CYB5B: variants seen among roughly 807,000 people sequenced by gnomAD.
CYB5B encodes cytochrome b5 type B (outer mitochondrial membrane).
CYB5B carries 14 observed loss-of-function variants against 21.3 expected under a neutral mutation model. That is an observed-to-expected ratio of 0.66 (90% CI 0.43 to 1.03). CYB5B has a LOEUF of 1.03. Among genes scored for constraint, CYB5B ranks in the 50% least tolerant of loss-of-function variants. CYB5B has a pLI of 0.00. For missense variants in CYB5B, 166 were observed against 185.1 expected, an observed-to-expected ratio of 0.90 and a Z score of 0.60; for synonymous variants, 69 against 68.4, an observed-to-expected ratio of 1.01 and a Z score of -0.04.
At chr16:69,432,332 A>G (rs1308255108) in intron 1 of CYB5B, among the ~76,000 whole-genome samples, 1 of 152,208 alleles carries the variant, frequency 6.6e-6, no homozygotes, top group Non-Finnish European at 1.5e-5. Flanking sequence ...TCTGTTTTTC[A>G]CTTTCAGTAT....
At chr16:69,454,810 A>G (rs2014967656) in intron 3 of CYB5B, among the ~76,000 whole-genome samples, 1 of 152,218 alleles carries the variant, frequency 6.6e-6, no homozygotes, top group Non-Finnish European at 1.5e-5. Flanking sequence ...TATATACCTT[A>G]TATTTGCCTT....
chr16:69,424,980 A>G, intron 1 of CYB5B, 123 bp downstream of exon 1: 15 of 1,042,440 alleles, frequency 1.4e-5, no homozygotes, highest in Non-Finnish European at 1.9e-5. Flanking sequence ...GAAAGGGATC[A>G]CGACCCTCAG....
chr16:69,460,721 A>C (rs576102490), intron 4 of CYB5B, among the ~76,000 whole-genome samples: 27 of 152,356 alleles, frequency 1.8e-4, no homozygotes, highest in African/African-American at 6.5e-4. Flanking sequence ...TATATGCAAG[A>C]ATGTTCATAG....
chr16:69,437,698 A>G (rs986810723), intron 1 of CYB5B, among the ~76,000 whole-genome samples: 2 of 152,254 alleles, frequency 1.3e-5, no homozygotes, highest in African/African-American at 4.8e-5. Flanking sequence ...TGCAGTCATC[A>G]CCACCATCTA....
Position 69,436,697 on chromosome 16 carries a change from C to T in CYB5B, c.175-10453C>T, listed in dbSNP as rs114170334. ...CATCACTAGGCCTAATTTTGCACTT[C>T]CTCAATCTTAATGTTTCTGGATTTC... On this transcript the variant is annotated intron_variant, in intron 1 of 4. Transcript: ENST00000307892. 2.7e-3 allele frequency among the ~76,000 whole-genome samples: 415 copies of T among 152,304 alleles called. 2 individuals carry two copies. The highest frequency in any genetic ancestry group is 9.7e-3 in the African/African-American group (402 of 41,564).
intron 1 of CYB5B, among the ~76,000 whole-genome samples, chr16:69,436,780 C>T (rs184126842): frequency 1.1e-4 from 16 of 152,258 alleles, no homozygotes; most frequent in Admixed American, 4.6e-4. Flanking sequence ...TATTACATCA[C>T]TATGGAATTT....
At chr16:69,458,957 C>T in intron 3 of CYB5B, 136 bp from the exon 4 acceptor site, 2 of 742,962 alleles carry the variant, frequency 2.7e-6, no homozygotes, top group Non-Finnish European at 4.2e-6. Context: ...TTTGTAAACA[C>T]CAAAATGCAT....
intron 1 of CYB5B, chr16:69,444,385 ATTATC>A (rs2014856701): frequency 6.6e-6 from 1 of 152,194 alleles, no homozygotes; most frequent in African/African-American, 2.4e-5. Flanking sequence ...CAGCCTGGGC[ATTATC>A]TTGGCCTAAG....
rs1016835232 is a variant in CYB5B at position 69,455,155 on chromosome 16, A to C, written c.334-3938A>C. ...ATGATCCGCCTGTCTCGGCCTCCCCAAGTGCTGGGATTATAGGCATGAGCC... is the reference window on the plus strand; with the variant it reads ...ATGATCCGCCTGTCTCGGCCTCCCCCAGTGCTGGGATTATAGGCATGAGCC... On this transcript the variant is annotated intron_variant, in intron 3 of 4. Transcript: ENST00000307892. 9.9e-5 allele frequency among the ~76,000 whole-genome samples: 15 copies of C among 152,022 alleles called. 1 individual carries two copies. The highest frequency in any genetic ancestry group is 3.6e-4 in the African/African-American group (15 of 41,392).
chr16:69,450,304 T>C (rs2014920456), intron 3 of CYB5B: 1 of 151,494 alleles, frequency 6.6e-6, no homozygotes, highest in Non-Finnish European at 1.5e-5. Context: ...GCATTTAAGC[T>C]CACCAAGTTC....
intron 3 of CYB5B, among the ~76,000 whole-genome samples, chr16:69,452,560 C>T (rs911722472): frequency 1.3e-5 from 2 of 152,008 alleles, no homozygotes; most frequent in African/African-American, 4.8e-5. Context: ...GTCCCAGCTA[C>T]ATGGGAGGAT....
chr16:69,427,127 T>C (rs2014655868), intron 1 of CYB5B, among the ~76,000 whole-genome samples: 1 of 152,012 alleles, frequency 6.6e-6, no homozygotes, highest in Non-Finnish European at 1.5e-5. Context: ...TCTCAGCTAC[T>C]TGGGAGGCTA....
Position 69,462,486 on chromosome 16 carries a change from A to G in CYB5B, c.419A>G (p.Tyr140Cys). 6.2e-7 allele frequency: 1 copy of G among 1,614,118 alleles called. No individual in the cohort carries two copies. ...GGCGCTGTTCTCTTAGGTTTCCTGTACCGCTACTACACATCGGAAAGCAAA... is the reference window on the plus strand; with the variant it reads ...GGCGCTGTTCTCTTAGGTTTCCTGTGCCGCTACTACACATCGGAAAGCAAA... ...IIGAVLLGFLYRYYTSESKSS is the reference protein window; with the variant it reads ...IIGAVLLGFLCRYYTSESKSS Residue 140 changes from tyrosine (Y) to cysteine (C), a missense_variant, in exon 5 of 5, where the codon TAC becomes TGC. By Grantham distance (194) the Tyr-to-Cys change is radical. Coordinates refer to ENST00000307892, the MANE Select transcript of CYB5B (RefSeq NM_030579.3).
chr16:69,429,877 CT>C (rs1328191832), intron 1 of CYB5B, among the ~76,000 whole-genome samples: 1 of 152,076 alleles, frequency 6.6e-6, no homozygotes, highest in African/African-American at 2.4e-5. Flanking sequence ...CAAGAGGTTC[CT>C]AATCTTAAGT....
chr16:69,461,036 G>C (rs1428443856), intron 4 of CYB5B, among the ~76,000 whole-genome samples: 1 of 152,058 alleles, frequency 6.6e-6, no homozygotes, highest in Non-Finnish European at 1.5e-5. Flanking sequence ...TTTTCTGGCC[G>C]GCGTGGTGGC....
chr16:69,446,262 T>C (rs189603635), intron 1 of CYB5B, among the ~76,000 whole-genome samples: 1 of 152,250 alleles, frequency 6.6e-6, no homozygotes, highest in African/African-American at 2.4e-5. Flanking sequence ...TTGTGCAGGG[T>C]CACATAGCTG....
intron 1 of CYB5B, among the ~76,000 whole-genome samples, chr16:69,441,107 T>A (rs1050289889): frequency 3.9e-5 from 6 of 152,066 alleles, no homozygotes; most frequent in Admixed American, 3.9e-4. Context: ...ATATTGACAT[T>A]AATCAGTCCA....
At chr16:69,451,563 G>C (rs1487525503) in intron 3 of CYB5B, among the ~76,000 whole-genome samples, 1 of 151,988 alleles carries the variant, frequency 6.6e-6, no homozygotes, top group Non-Finnish European at 1.5e-5. Context: ...AATAGGTCTA[G>C]TAATTTGACC....
Position 69,430,898 on chromosome 16 carries a change from C to T in CYB5B, c.174+6041C>T, listed in dbSNP as rs1422656337. ...ATGTTGGCCAGGCTGGGCTTGAACT[C>T]CTGACCTCCGGTGATTCACCCGCCT... On this transcript the variant is annotated intron_variant, in intron 1 of 4. Transcript: ENST00000307892. Among the ~76,000 whole-genome samples the T allele has an allele frequency of 5.3e-5, 8 of 151,816 alleles. No individual in the cohort carries two copies. The East Asian group carries it at 1.6e-3, about 30-fold the overall frequency.
Sources: allele counts gnomAD v4.1 joint callset (sites outside exome capture counted in the v4.1 genomes callset), GRCh38; gene constraint gnomAD v4.1.1; transcripts MANE v1.5; gene names NCBI Gene and HGNC (gene_info 2026-07-23, HGNC 2026-07-21).